The following ZNF33B variants were observed in gnomAD, a reference collection of about 807,000 sequenced individuals.
The protein encoded by ZNF33B is zinc finger protein 33B, also known as zinc finger protein 11b (KOX 2).
Under a neutral mutation model 45.8 loss-of-function variants are expected in ZNF33B, and 29 were observed. The observed-to-expected ratio is 0.63, with a 90% CI of 0.47 to 0.86. The LOEUF (loss-of-function observed/expected upper bound fraction) is 0.86. Ranked by LOEUF, ZNF33B falls within the 40% of genes least tolerant of loss-of-function variation. The pLI is 0.00. For missense variants in ZNF33B, 831 were observed against 909.9 expected (o/e 0.91, Z 1.12); for synonymous variants, 305 against 307.8 (o/e 0.99, Z 0.10).
chr10:42,623,629 C>T (rs549585756), intron 4 of ZNF33B, among the ~76,000 whole-genome samples: 1 of 152,270 alleles, frequency 6.6e-6, no homozygotes, highest in East Asian at 1.9e-4. Flanking sequence ...ACATTCAAAA[C>T]TCACAGAGAC....
intron 4 of ZNF33B, among the ~76,000 whole-genome samples, chr10:42,615,418 C>A (rs924442542): frequency 6.6e-6 from 1 of 152,160 alleles, no homozygotes; most frequent in African/African-American, 2.4e-5. Context: ...ATACATGCTA[C>A]AACATGGATG....
chr10:42,612,255 A>G (rs1239580386), intron 4 of ZNF33B, among the ~76,000 whole-genome samples: 2 of 49,912 alleles, frequency 4.0e-5, no homozygotes, highest in African/African-American at 1.4e-4. Flanking sequence ...TTTTTTTTTG[A>G]GACAGAGTCT....
chr10:42,578,943 T>C (rs556483546), intron 1 of ZNF33B, among the ~76,000 whole-genome samples: 2 of 152,320 alleles, frequency 1.3e-5, no homozygotes, highest in South Asian at 2.1e-4. Flanking sequence ...AGGAGTGACA[T>C]AGATGCATTC....
At chr10:42,635,853 G>A (rs183558824) in intron 2 of ZNF33B, among the ~76,000 whole-genome samples, 1,650 of 147,222 alleles carry the variant, frequency 0.011, 35 homozygotes, top group African/African-American at 0.039. Context: ...TTTATTGGCC[G>A]GGCACAGTGG....
In ZNF33B at chr10:42,591,175, C is replaced by A; in HGVS notation, c.*1438G>T. Reference sequence around the variant, plus strand: ...AGTCTCTGAAGGCCCAGATCCCTGTCTGGGTACAATGAGCAATGAAATGAC... The same window carrying A: ...AGTCTCTGAAGGCCCAGATCCCTGTATGGGTACAATGAGCAATGAAATGAC... On this transcript the variant is annotated 3_prime_UTR_variant, in exon 5 of 5. Coordinates refer to ENST00000359467, the MANE Select transcript of ZNF33B (RefSeq NM_006955.3). The A allele has an allele frequency of 4.8e-6, 3 of 624,672 alleles. No individual in the cohort carries two copies. Among genetic ancestry groups the A allele is most frequent in the Non-Finnish European group, 6.0e-6 (3 of 500,792 alleles). 38.7% of individuals were successfully genotyped at this position (624,672 alleles called of 1,614,324 possible).
chr10:42,601,908 CTTTTTTTTTTT>C (rs34431290), intron 4 of ZNF33B, among the ~76,000 whole-genome samples: 1 of 75,366 alleles, frequency 1.3e-5, no homozygotes, highest in East Asian at 3.9e-4. Flanking sequence ...ATGTGATATT[CTTTTTTTTTTT>C]TTTTTTTTTT....
At chr10:42,577,779 A>T (rs1836769329) in intron 1 of ZNF33B, among the ~76,000 whole-genome samples, 1 of 152,174 alleles carries the variant, frequency 6.6e-6, no homozygotes, top group Admixed American at 6.5e-5. Flanking sequence ...CTTGTAGATA[A>T]TGTATGCTTA....
chr10:42,631,989 G>T lies in ZNF33B; in HGVS notation c.190C>A (p.Leu64Met). The T allele has an allele frequency of 1.2e-6, 2 of 1,614,042 alleles. No homozygotes were observed. The highest frequency in any genetic ancestry group is 1.7e-6 in the Non-Finnish European group (2 of 1,180,012). The stretch of plus-strand genomic sequence containing the variant: ...CTCCATGGTTCTTCTCCTTGTTCCA[G>T]CCTGAAGATCACCTCTGGTTTGTGA... ...CAHKPEVIFR[L>M]EQGEEPWRLE... The change falls in exon 4 of 5, where the codon CTG becomes ATG. Residue 64 changes from leucine to methionine, a missense_variant. By Grantham distance (15) the Leu-to-Met change is conservative. Transcript: ENST00000359467.
At chr10:42,625,867 T>C (rs1439130672) in intron 4 of ZNF33B, among the ~76,000 whole-genome samples, 1 of 152,266 alleles carries the variant, frequency 6.6e-6, no homozygotes, top group Admixed American at 6.5e-5. Flanking sequence ...TCTATGTGTA[T>C]GCCTTCTCTT....
At chr10:42,624,677 G>A (rs1317747696) in intron 4 of ZNF33B, among the ~76,000 whole-genome samples, 3 of 151,816 alleles carry the variant, frequency 2.0e-5, no homozygotes, top group African/African-American at 7.3e-5. Context: ...GGGTTACTTG[G>A]ACACATATAG....
chr10:42,592,595 A>C lies in ZNF33B; in HGVS notation c.*18T>G, dbSNP rs371350176. ...ATTATGGAGGCTGACTTGTGGCTGG[A>C]AATTTCTAATATCCAATTCATTCAT... On this transcript the variant is annotated 3_prime_UTR_variant, in exon 5 of 5. Transcript: ENST00000359467. The C allele has an allele frequency of 3.7e-6, 6 of 1,600,678 alleles. No homozygotes were observed. The highest frequency in any genetic ancestry group is 1.3e-5 in the African/African-American group (1 of 74,454).
intron 4 of ZNF33B, among the ~76,000 whole-genome samples, chr10:42,621,615 T>A (rs955770342): frequency 6.6e-6 from 1 of 151,880 alleles, no homozygotes; most frequent in African/African-American, 2.4e-5. Context: ...GACACGATCA[T>A]CTCAGTTGAT....
intron 4 of ZNF33B, among the ~76,000 whole-genome samples, chr10:42,619,895 TAATATATAATATAAAATAATAA>T (rs141259175): frequency 0.8 from 121,491 of 151,830 alleles, 48,966 homozygotes; most frequent in East Asian, 0.96. Context: ...GAGAAGGGAA[TAATATATAATATAAAATAATAA>T]AAATATAAAA....
At chr10:42,624,396 C>T (rs1004150536) in intron 4 of ZNF33B, among the ~76,000 whole-genome samples, 1 of 152,014 alleles carries the variant, frequency 6.6e-6, no homozygotes, top group African/African-American at 2.4e-5. Flanking sequence ...AACATCCTGT[C>T]CTCTTGATTA....
chr10:42,591,110 G>C lies in ZNF33B; in HGVS notation c.*1503C>G, dbSNP rs1837103127. ...AAAGCCCCATGCCAGCTTGATTCTG[G>C]CTCTTCTCCAGCCTCAACCCTCCTC... On this transcript the variant is annotated 3_prime_UTR_variant, in exon 5 of 5. Transcript: ENST00000359467. 3.5e-6 allele frequency: 1 copy of C among 284,864 alleles called. No homozygotes were observed. The highest frequency in any genetic ancestry group is 2.3e-5 in the African/African-American group (1 of 43,956). The allele number at this position is 284,864 out of a possible 1,614,324, so 17.6% of individuals were successfully genotyped here. A position where few individuals can be genotyped will look rare whatever the true frequency, so the allele number is the denominator to read the frequency against.
At chr10:42,632,240 T>A in intron 3 of ZNF33B, 55 bp downstream of exon 3, 1 of 1,573,440 alleles carries the variant, frequency 6.4e-7, no homozygotes, top group East Asian at 2.2e-5. Context: ...GCCTATATGT[T>A]TTATAATCAA....
intron 4 of ZNF33B, among the ~76,000 whole-genome samples, chr10:42,626,817 GAAC>G: frequency 6.6e-6 from 1 of 152,158 alleles, no homozygotes; most frequent in East Asian, 1.9e-4. Context: ...TCTCTAGTGA[GAAC>G]AACTCTCTAG....
intron 4 of ZNF33B, among the ~76,000 whole-genome samples, chr10:42,599,703 C>T (rs1837544417): frequency 6.6e-6 from 1 of 151,892 alleles, no homozygotes; most frequent in Non-Finnish European, 1.5e-5. Flanking sequence ...TAAGAAAGAT[C>T]TCAAATCAAT....
chr10:42,586,879 G>C (rs573639212), downstream of ZNF33B, among the ~76,000 whole-genome samples: 27 of 152,288 alleles, frequency 1.8e-4, no homozygotes, highest in African/African-American at 6.5e-4. Flanking sequence ...TCGTTTATAA[G>C]CAATAGAAAT....
Sources: gnomAD v4.1 joint callset for allele counts (sites outside exome capture counted in the v4.1 genomes callset) on GRCh38, gnomAD v4.1.1 for gene constraint, MANE v1.5 for transcripts, NCBI Gene and HGNC (gene_info 2026-07-23, HGNC 2026-07-21) for gene names.